Variants in DLC1 observed in about 807,000 individuals in gnomAD.
DLC1 encodes rho GTPase-activating protein 7.
A neutral mutation model predicts 140.3 loss-of-function variants in DLC1; 54 were observed. The ratio of observed to expected loss-of-function variants is 0.38; its 90% CI spans 0.31 to 0.48. DLC1 has a LOEUF of 0.48. DLC1 is among the 20% of genes least tolerant of loss of function. DLC1 has a pLI of 0.96. For missense variants in DLC1, 2,536 were observed against 1,907.0 expected, an observed-to-expected ratio of 1.33 and a Z score of -6.14; for synonymous variants, 986 against 728.1, an observed-to-expected ratio of 1.35 and a Z score of -5.70.
In DLC1 at chr8:13,400,737, G is replaced by T. The variant is rs57536012; in HGVS notation, c.1173+733C>A. Among the ~76,000 whole-genome samples, 839 of 152,038 alleles carry T rather than the reference G, an allele frequency of 5.5e-3. 5 individuals are homozygous for T. Among genetic ancestry groups the T allele is most frequent in the African/African-American group, 0.019 (781 of 41,454 alleles). The stretch of plus-strand genomic sequence containing the variant: ...TTATTGAATAACACAAATAATAGAT[G>T]AGTTGAAAAGTGATTCATAGCTTAA... On this transcript the variant is annotated intron_variant, in intron 3 of 17. Transcript: ENST00000276297.
intron 4 of DLC1, among the ~76,000 whole-genome samples, chr8:13,355,522 G>A (rs1044882730): frequency 1.3e-5 from 2 of 152,154 alleles, no homozygotes; most frequent in Admixed American, 1.3e-4. Flanking sequence ...TGGCTTGCAG[G>A]TGGCCCCTCT....
At position 13,124,431 on chromosome 8, in the gene DLC1, C is replaced by T. The variant is rs376575081; in HGVS notation, c.1349-8774G>A. Among the ~76,000 whole-genome samples the T allele has an allele frequency of 1.2e-4, 19 of 152,100 alleles. No individual in the cohort carries two copies. In the East Asian group the frequency reaches 1.5e-3, roughly 12 times the overall value. Reference sequence around the variant, plus strand: ...CAGTCTGGATTTACTACAATACAGACCAAAAAGCAGGAGTATGAAGCAGAA... The same window carrying T: ...CAGTCTGGATTTACTACAATACAGATCAAAAAGCAGGAGTATGAAGCAGAA... On this transcript the variant is annotated intron_variant, in intron 5 of 17. Coordinates refer to ENST00000276297, the MANE Select transcript of DLC1 (RefSeq NM_182643.3).
At chr8:13,448,185 G>C (rs1410848672) in intron 2 of DLC1, among the ~76,000 whole-genome samples, 1 of 152,084 alleles carries the variant, frequency 6.6e-6, no homozygotes. Context: ...ACTGCCATTT[G>C]TTCTGTTCAT....
At chr8:13,582,102 A>C (rs1805121614) in intron 1 of DLC1, among the ~76,000 whole-genome samples, 1 of 152,102 alleles carries the variant, frequency 6.6e-6, no homozygotes, top group Non-Finnish European at 1.5e-5. Flanking sequence ...TCATCTCTTA[A>C]ATGCATTTTT....
chr8:13,477,865 A>T (rs1409641676), intron 2 of DLC1, among the ~76,000 whole-genome samples: 1 of 151,942 alleles, frequency 6.6e-6, no homozygotes, highest in Non-Finnish European at 1.5e-5. Flanking sequence ...GAAAAAAAAA[A>T]TCAATAGTAG....
At position 13,499,129 on chromosome 8, in the gene DLC1, C is replaced by T. The variant is rs1801650236; in HGVS notation, c.943G>A (p.Gly315Ser). 1.2e-6 allele frequency: 2 copies of T among 1,614,140 alleles called. No homozygotes were observed. Among genetic ancestry groups the T allele is most frequent in the Non-Finnish European group, 1.7e-6 (2 of 1,180,012 alleles). Residue 315 changes from glycine (G) to serine (S), a missense_variant, in exon 2 of 18, where the codon GGC (glycine) becomes AGC (serine). Gly to Ser is a moderately conservative substitution (Grantham distance 56, BLOSUM62 0). Coordinates refer to ENST00000276297, the MANE Select transcript of DLC1 (RefSeq NM_182643.3). ...TCCTTTAATTGTAAACACTGCATGC[C>T]ATCTTCTGCCTTGACCTTTGGTGGA... ...KSPPKVKAED[G>S]MQCLQLKETL...
chr8:13,516,175 G>C (rs545983252), upstream of DLC1, among the ~76,000 whole-genome samples: 2 of 151,950 alleles, frequency 1.3e-5, no homozygotes, highest in Non-Finnish European at 2.9e-5. Flanking sequence ...TTTGGGGGGG[G>C]ACTGATGATC....
At chr8:13,398,207 A>T (rs985997304) in intron 3 of DLC1, among the ~76,000 whole-genome samples, 8 of 152,254 alleles carry the variant, frequency 5.3e-5, no homozygotes, top group African/African-American at 1.9e-4. Context: ...CAAAGAGGAG[A>T]TTAAAGTTTG....
rs530293195 is a variant in DLC1 at position 13,413,446 on chromosome 8, C to T, written c.1024-11827G>A. On this transcript the variant is annotated intron_variant, in intron 2 of 17. Transcript: ENST00000276297. ...TCCTACACACACACATACACGAGCA[C>T]ACATACAGACACATCCAATGCAAAA... Among the ~76,000 whole-genome samples, 5 of 151,382 alleles carry T rather than the reference C, an allele frequency of 3.3e-5. No homozygotes were observed. In the East Asian group the frequency reaches 9.8e-4, roughly 30 times the overall value.
rs185228418 is a variant in DLC1 at position 13,447,796 on chromosome 8, G to A, written c.1024-46177C>T. ...TTTATTTTTATTGTTTGTTCTTTGTGTTTTTTTTCCTACCAGATTAGCTAA... is the reference window on the plus strand; with the variant it reads ...TTTATTTTTATTGTTTGTTCTTTGTATTTTTTTTCCTACCAGATTAGCTAA... On this transcript the variant is annotated intron_variant, in intron 2 of 17. Coordinates refer to ENST00000276297, the MANE Select transcript of DLC1 (RefSeq NM_182643.3). Among the ~76,000 whole-genome samples the A allele has an allele frequency of 2.5e-3, 383 of 151,876 alleles. 1 individual carries two copies. The highest frequency in any genetic ancestry group is 3.4e-3 in the Non-Finnish European group (233 of 67,902).
chr8:13,587,993 T>C lies in DLC1; in HGVS notation c.-126+16544A>G, dbSNP rs552225820. 2.0e-5 allele frequency among the ~76,000 whole-genome samples: 3 copies of C among 152,208 alleles called. No homozygotes were observed. In the East Asian group the frequency reaches 5.8e-4, roughly 29 times the overall value. ...TCACTCCTATTGTATATAGATCAAATTCCAAAGTCATTGACCTTTATTATA... is the reference window on the plus strand; with the variant it reads ...TCACTCCTATTGTATATAGATCAAACTCCAAAGTCATTGACCTTTATTATA... On this transcript the variant is annotated intron_variant, in intron 1 of 1. Transcript: ENST00000631382.
intron 5 of DLC1, among the ~76,000 whole-genome samples, chr8:13,238,549 A>C (rs887176301): frequency 6.7e-6 from 1 of 149,194 alleles, no homozygotes; most frequent in African/African-American, 2.5e-5. Context: ...GTGCTCTCTC[A>C]GGAGCCTTTG....
chr8:13,567,572 A>T, intron 1 of DLC1: 1 of 1,551,814 alleles, frequency 6.4e-7, no homozygotes, highest in Non-Finnish European at 8.7e-7. Flanking sequence ...GCTAAGCAAC[A>T]CATATCTTAT....
intron 4 of DLC1, among the ~76,000 whole-genome samples, chr8:13,307,844 G>A (rs918575044): frequency 1.3e-5 from 2 of 152,162 alleles, no homozygotes; most frequent in Non-Finnish European, 2.9e-5. Context: ...ACGGAAGCAA[G>A]GCACAATACA....
intron 1 of DLC1, among the ~76,000 whole-genome samples, chr8:13,541,185 G>A (rs1414825556): frequency 6.6e-6 from 1 of 152,106 alleles, no homozygotes; most frequent in African/African-American, 2.4e-5. Flanking sequence ...ACCACAACCT[G>A]TTTATACACT....
chr8:13,129,609 C>T (rs1821911549), intron 5 of DLC1, among the ~76,000 whole-genome samples: 1 of 152,118 alleles, frequency 6.6e-6, no homozygotes, highest in African/African-American at 2.4e-5. Context: ...CCACTAGATC[C>T]CAACTCATGT....
intron 4 of DLC1, chr8:13,342,411 C>T (rs552563789): frequency 6.6e-6 from 1 of 152,316 alleles, no homozygotes; most frequent in South Asian, 2.1e-4. Context: ...GGCTATGGTG[C>T]ACAGTTGTTT....
At chr8:13,382,505 C>CA (rs71207149) in intron 4 of DLC1, among the ~76,000 whole-genome samples, 1,488 of 35,490 alleles carry the variant, frequency 0.042, 274 homozygotes, top group South Asian at 0.086. Context: ...GACTCCGTCT[C>CA]AAAAAAAAAA....
intron 2 of DLC1, among the ~76,000 whole-genome samples, chr8:13,406,225 G>T (rs1309762753): frequency 8.6e-6 from 1 of 116,092 alleles, no homozygotes; most frequent in East Asian, 2.5e-4. Flanking sequence ...TCACTGTGTT[G>T]GCCAGGCTGG....
Sources: allele counts gnomAD v4.1 joint callset (sites outside exome capture counted in the v4.1 genomes callset), GRCh38; gene constraint gnomAD v4.1.1; transcripts MANE v1.5; gene names NCBI Gene and HGNC (gene_info 2026-07-23, HGNC 2026-07-21).